Variants in FAM135A observed in about 807,000 individuals in gnomAD.
FAM135A encodes protein FAM135A.
A neutral mutation model predicts 146.8 loss-of-function variants in FAM135A; 79 were observed. That is an observed-to-expected ratio of 0.54 (90% CI 0.45 to 0.65). FAM135A has a LOEUF of 0.65. Among genes scored for constraint, FAM135A ranks in the 30% least tolerant of loss-of-function variants. The pLI is 0.00. For synonymous variants in FAM135A, 562 were observed against 603.6 expected (o/e 0.93, Z 1.01); for missense variants, 1,623 against 1,758.2 (o/e 0.92, Z 1.38).
chr6:70,449,043 T>C (rs1433379739), intron 4 of FAM135A, among the ~76,000 whole-genome samples: 1 of 152,238 alleles, frequency 6.6e-6, no homozygotes, highest in Admixed American at 6.5e-5. Flanking sequence ...GGGAGGCCTG[T>C]TCCCAACAGG....
chr6:70,488,519 C>T (rs1220423559), intron 10 of FAM135A, among the ~76,000 whole-genome samples: 1 of 146,932 alleles, frequency 6.8e-6, no homozygotes, highest in Non-Finnish European at 1.5e-5. Flanking sequence ...TTCTATAAAA[C>T]TGTATAAATG....
At chr6:70,430,860 A>T (rs1398607174) in intron 4 of FAM135A, among the ~76,000 whole-genome samples, 3 of 152,144 alleles carry the variant, frequency 2.0e-5, no homozygotes, top group Admixed American at 6.5e-5. Context: ...TAAAATGACT[A>T]GCTCTTTCTT....
rs541024203 is a variant in FAM135A, at chr6:70,419,431, A to G, written c.-134+4055A>G. Among the ~76,000 whole-genome samples the G allele has an allele frequency of 2.2e-3, 341 of 152,308 alleles. 2 individuals are homozygous for G. Among genetic ancestry groups the G allele is most frequent in the African/African-American group, 7.9e-3 (329 of 41,570 alleles). On this transcript the variant is annotated intron_variant, in intron 2 of 21. Transcript: ENST00000418814. The stretch of plus-strand genomic sequence containing the variant: ...GAGACTTCGTCTCAAAAAAAAAAAA[A>G]AAGTATTCCTGTTTTGGGCTTCTTG...
intron 2 of FAM135A, among the ~76,000 whole-genome samples, chr6:70,421,372 C>T (rs759528034): frequency 8.5e-5 from 13 of 152,090 alleles, no homozygotes; most frequent in Non-Finnish European, 1.3e-4. Context: ...TCACATTTCA[C>T]TCGTTCAGTG....
chr6:70,528,792 C>T (rs1200713975), intron 16 of FAM135A, among the ~76,000 whole-genome samples: 2 of 151,792 alleles, frequency 1.3e-5, no homozygotes, highest in Admixed American at 1.3e-4. Flanking sequence ...TGGTGGTTTG[C>T]TGTCATCTAC....
At chr6:70,416,192 T>A (rs1354318710) in intron 2 of FAM135A, among the ~76,000 whole-genome samples, 2 of 152,224 alleles carry the variant, frequency 1.3e-5, no homozygotes, top group Non-Finnish European at 2.9e-5. Context: ...GCAGTTCTAA[T>A]GTACTAGAGT....
chr6:70,453,661 G>T (rs1777628334), intron 5 of FAM135A, among the ~76,000 whole-genome samples: 1 of 151,852 alleles, frequency 6.6e-6, no homozygotes, highest in African/African-American at 2.4e-5. Flanking sequence ...GAGAACATGT[G>T]GTGTTTGGTT....
At chr6:70,542,511 T>C (rs1798124128) in intron 20 of FAM135A, among the ~76,000 whole-genome samples, 1 of 152,200 alleles carries the variant, frequency 6.6e-6, no homozygotes, top group Admixed American at 6.5e-5. Flanking sequence ...TTAATGCTCC[T>C]CTACTCTCAG....
chr6:70,472,162 A>G (rs1428214316), intron 5 of FAM135A, among the ~76,000 whole-genome samples: 1 of 152,134 alleles, frequency 6.6e-6, no homozygotes, highest in Non-Finnish European at 1.5e-5. Context: ...AGTTATATGG[A>G]AGTATTGAGA....
intron 4 of FAM135A, among the ~76,000 whole-genome samples, chr6:70,431,986 A>G (rs1453448977): frequency 1.3e-5 from 2 of 152,082 alleles, no homozygotes; most frequent in East Asian, 3.8e-4. Flanking sequence ...TCCAAGTAAA[A>G]CAGTGTTACT....
intron 9 of FAM135A, 60 bp downstream of exon 9, chr6:70,481,087 T>G: frequency 7.2e-7 from 1 of 1,392,678 alleles, no homozygotes. Flanking sequence ...TTTTTAACAA[T>G]TTTATCTGTG....
intron 20 of FAM135A, among the ~76,000 whole-genome samples, chr6:70,550,647 A>G (rs948248390): frequency 3.3e-5 from 5 of 152,200 alleles, no homozygotes; most frequent in African/African-American, 1.2e-4. Flanking sequence ...TAGATTTCAT[A>G]TAATTCTTAA....
chr6:70,445,434 G>A (rs767948722), intron 4 of FAM135A, among the ~76,000 whole-genome samples: 4 of 152,118 alleles, frequency 2.6e-5, no homozygotes, highest in African/African-American at 4.8e-5. Context: ...GTAGAGGTGC[G>A]GAGTGGGAAA....
At chr6:70,455,915 G>A (rs770599336) in intron 5 of FAM135A, among the ~76,000 whole-genome samples, 28 of 152,040 alleles carry the variant, frequency 1.8e-4, no homozygotes, top group Admixed American at 1.5e-3. Flanking sequence ...GCAGTGGTGC[G>A]ATCTCGGCTC....
intron 20 of FAM135A, among the ~76,000 whole-genome samples, chr6:70,546,048 G>A (rs766092506): frequency 6.6e-6 from 1 of 151,982 alleles, no homozygotes; most frequent in Non-Finnish European, 1.5e-5. Context: ...GTTGGGTTTT[G>A]GGGTTTTTTT....
intron 20 of FAM135A, among the ~76,000 whole-genome samples, chr6:70,550,829 T>C (rs1309165592): frequency 6.6e-6 from 1 of 152,256 alleles, no homozygotes; most frequent in Non-Finnish European, 1.5e-5. Context: ...TTTTTCAACA[T>C]TGAAAATCTG....
In FAM135A at chr6:70,526,188, A is replaced by G; in HGVS notation, c.3104A>G (p.Lys1035Arg). ...TTTTCAGCCAGTACTGATATAGTAA[A>G]GCAAGGGCTTGTGGAAAATTATTTT... is the stretch of plus-strand genomic sequence containing the variant. ...DPFSASTDIV[K>R]QGLVENYFGS... is the part of the protein sequence containing the mutation. The change falls in exon 15 of 22, where the codon AAG becomes AGG. Residue 1035 changes from lysine (K) to arginine (R), a missense_variant. Lys to Arg is a conservative substitution (Grantham distance 26). Coordinates refer to ENST00000418814, the MANE Select transcript of FAM135A (RefSeq NM_001162529.3). The G allele has an allele frequency of 6.2e-7, 1 of 1,613,436 alleles. No individual in the cohort carries two copies. Among genetic ancestry groups the G allele is most frequent in the Non-Finnish European group, 8.5e-7 (1 of 1,179,636 alleles).
intron 18 of FAM135A, chr6:70,535,772 T>A (rs1463777257): frequency 6.6e-6 from 1 of 152,382 alleles, no homozygotes; most frequent in Admixed American, 6.5e-5. Flanking sequence ...ATTTTACCTA[T>A]GCCTTGAAAA....
chr6:70,414,034 C>G, intron 1 of FAM135A: 4 of 985,714 alleles, frequency 4.1e-6, no homozygotes, highest in Non-Finnish European at 4.8e-6. Context: ...CACCCCTGCT[C>G]CATCTTCGTC....
Sources: allele counts gnomAD v4.1 joint callset (sites outside exome capture counted in the v4.1 genomes callset), GRCh38; gene constraint gnomAD v4.1.1; transcripts MANE v1.5; gene names NCBI Gene and HGNC (gene_info 2026-07-23, HGNC 2026-07-21).